Variants in MYO7B observed in about 807,000 individuals in gnomAD.
The protein encoded by MYO7B is unconventional myosin-VIIb.
In MYO7B, 212 loss-of-function variants were observed where a neutral mutation model predicts 259.7. That is an observed-to-expected ratio of 0.82 (90% CI 0.73 to 0.91). The LOEUF is 0.91. Ranked by LOEUF, MYO7B falls within the 40% of genes least tolerant of loss-of-function variation. The pLI is 0.00. For missense variants in MYO7B, 2,732 were observed against 2,813.5 expected (o/e 0.97, Z 0.66); for synonymous variants, 1,197 against 1,166.4 (o/e 1.03, Z -0.54).
At position 127,637,184 on chromosome 2, in the gene MYO7B, G is replaced by A. The variant is rs577115892; in HGVS notation, c.6328-132G>A. 1,413 of 895,494 alleles carry A rather than the reference G, an allele frequency of 1.6e-3. 2 individuals carry two copies. The highest frequency in any genetic ancestry group is 2.1e-3 in the Non-Finnish European group (1,156 of 551,224). The allele number at this position is 895,494 out of a possible 1,614,324, so 55.5% of individuals were successfully genotyped here. ...GGCAAGCAGAAATGACGGCCCCAAT[G>A]GCAGGAGCCCGCCTTCCCTTTCTCC... On this transcript the variant is annotated intron_variant, in intron 47 of 47. Coordinates refer to ENST00000409816, the MANE Select transcript of MYO7B (RefSeq NM_001393586.1).
At chr2:127,635,548 G>C in intron 43 of MYO7B, 174 bp from the exon 44 acceptor site, 1 of 741,256 alleles carries the variant, frequency 1.3e-6, no homozygotes, top group African/African-American at 1.8e-5. Context: ...CAGATGTCAG[G>C]GGGCCCTGCC....
intron 1 of MYO7B, among the ~76,000 whole-genome samples, chr2:127,556,985 C>G (rs1573616601): frequency 6.6e-6 from 1 of 152,142 alleles, no homozygotes. Context: ...GTGTTCCAAA[C>G]TTTTAGATTT....
chr2:127,565,516 T>C (rs1378179034), intron 4 of MYO7B, 131 bp downstream of exon 4: 1 of 1,254,948 alleles, frequency 8.0e-7, no homozygotes, highest in East Asian at 2.5e-5. Flanking sequence ...GCGAGGTGCC[T>C]AACTTTTCCC....
chr2:127,632,052 C>A (rs778278690), intron 38 of MYO7B, among the ~76,000 whole-genome samples, 194 bp from the exon 39 acceptor site: 45 of 152,378 alleles, frequency 3.0e-4, no homozygotes, highest in Admixed American at 8.5e-4. Flanking sequence ...CCCACCCGCC[C>A]CCATCTTGAG....
intron 17 of MYO7B, 66 bp from the exon 18 acceptor site, chr2:127,593,480 C>T: frequency 1.4e-6 from 2 of 1,476,534 alleles, no homozygotes; most frequent in South Asian, 1.2e-5. Flanking sequence ...GGAGACACCA[C>T]CCCCAGAGAG....
chr2:127,573,863 T>C (rs1678747325), intron 6 of MYO7B, 57 bp from the exon 7 acceptor site: 1 of 1,604,260 alleles, frequency 6.2e-7, no homozygotes, highest in African/African-American at 1.3e-5. Context: ...ATGATCCCAC[T>C]CAAATTACAT....
At position 127,636,075 on chromosome 2, in the gene MYO7B, G is replaced by A. The variant is rs1016842538; in HGVS notation, c.6007-133G>A. ...GCCTTCCTATGCCATCCACAGCACCGAGACTGTCCCATGCTGCATTCCTCC... is the reference window on the plus strand; with the variant it reads ...GCCTTCCTATGCCATCCACAGCACCAAGACTGTCCCATGCTGCATTCCTCC... On this transcript the variant is annotated intron_variant, in intron 44 of 47. Transcript: ENST00000409816. The surrounding 1 kb of genome is among the most constrained non-coding windows in gnomAD (Gnocchi z 4.5). 116 of 1,059,460 alleles carry A rather than the reference G, an allele frequency of 1.1e-4. No homozygotes were observed. Among genetic ancestry groups the A allele is most frequent in the Admixed American group, 4.7e-4 (19 of 40,498 alleles). The allele number at this position is 1,059,460 out of a possible 1,614,324, so 65.6% of individuals were successfully genotyped here.
At position 127,636,743 on chromosome 2, in the gene MYO7B, CAG is replaced by C; in HGVS notation, c.6208-48_6208-47del. ...CCTCTCTCCTGTCCCCTAACACACA[CAG>C]AGCCCGTGCTCTGGAGGCGTCCGGC... On this transcript the variant is annotated intron_variant, in intron 46 of 47. Coordinates refer to ENST00000409816, the MANE Select transcript of MYO7B (RefSeq NM_001393586.1). The surrounding 1 kb of genome is among the most constrained non-coding windows in gnomAD (Gnocchi z 4.5). The C allele has an allele frequency of 8.1e-6, 13 of 1,612,190 alleles. No homozygotes were observed. The highest frequency in any genetic ancestry group is 9.3e-6 in the Non-Finnish European group (11 of 1,179,144).
At chr2:127,596,677 T>C (rs1330170820) in intron 19 of MYO7B, 121 bp downstream of exon 19, 2 of 764,826 alleles carry the variant, frequency 2.6e-6, no homozygotes, top group Non-Finnish European at 4.5e-6. Context: ...GTTACTGAGA[T>C]CTTCCAATGC....
Position 127,624,117 on chromosome 2 carries a change from G to A in MYO7B, c.3844G>A (p.Asp1282Asn), listed in dbSNP as rs759240516. The stretch of plus-strand genomic sequence containing the variant: ...GTTCTGGTCCCTGGGCAGCGGGCGC[G>A]ACCACATGATGGATGCCATCGCCCG... ...DKFWSLGSGR[D>N]HMMDAIARCE... The change falls in exon 30 of 48, where the codon GAC (aspartate) becomes AAC (asparagine). Residue 1282 changes from aspartate to asparagine, a missense_variant. Around this residue, in one of 3 missense-constraint regions of MYO7B, gnomAD observed 1,906 missense variants for 2,026.4 expected, o/e 0.94. Transcript: ENST00000409816. 1.5e-5 allele frequency: 24 copies of A among 1,580,754 alleles called. No individual in the cohort carries two copies. Among genetic ancestry groups the A allele is most frequent in the East Asian group, 1.4e-4 (6 of 42,876 alleles).
chr2:127,636,389 G>A lies in MYO7B; in HGVS notation c.6123+65G>A, dbSNP rs1043443184. 2.6e-6 allele frequency: 4 copies of A among 1,514,360 alleles called. No homozygotes were observed. In the Admixed American group the frequency reaches 6.9e-5, roughly 26 times the overall value. The allele number at this position is 1,514,360 out of a possible 1,614,324, so 93.8% of individuals were successfully genotyped here. On this transcript the variant is annotated intron_variant, in intron 45 of 47. Transcript: ENST00000409816. The surrounding 1 kb of genome is among the most constrained non-coding windows in gnomAD (Gnocchi z 4.5). ...GCTCCGCTCAGCCCAGCCCCAGCAG[G>A]CCCAGCGTCAACCAGCACACATCTT...
At chr2:127,553,106 C>G (rs78918162) in intron 1 of MYO7B, among the ~76,000 whole-genome samples, 7 of 152,216 alleles carry the variant, frequency 4.6e-5, no homozygotes, top group African/African-American at 1.7e-4. Context: ...AAGTCACATC[C>G]TCTCCAAGGG....
At chr2:127,575,322 T>C (rs561276106) in intron 7 of MYO7B, among the ~76,000 whole-genome samples, 1 of 152,114 alleles carries the variant, frequency 6.6e-6, no homozygotes, top group African/African-American at 2.4e-5. Context: ...TGGAAGCTCC[T>C]ATTTCTTGAT....
At chr2:127,561,787 T>A (rs1283488711) in intron 2 of MYO7B, among the ~76,000 whole-genome samples, 1 of 152,214 alleles carries the variant, frequency 6.6e-6, no homozygotes, top group Non-Finnish European at 1.5e-5. Flanking sequence ...CTGACTTCAC[T>A]GGGGCTTGGA....
chr2:127,634,233 AGGCTGCAGCTGGCCTCCTGGGAG>A lies in MYO7B; in HGVS notation c.5579_5601del (p.Leu1860ProfsTer20). ...GGATGTGTGTGACAGCATTGCCACCAGGCTGCAGCTGGCCTCCTGGGAGGGCTGCAGCCTCTTCATCAAGATTT... is the reference window on the plus strand; with the variant it reads ...GGATGTGTGTGACAGCATTGCCACCAGGCTGCAGCCTCTTCATCAAGATTT... On this transcript the variant is annotated frameshift_variant, in exon 41 of 48. Transcript: ENST00000409816. LOFTEE classifies it high-confidence loss of function. 3 of 1,597,540 alleles carry A rather than the reference AGGCTGCAGCTGGCCTCCTGGGAG, an allele frequency of 1.9e-6. No homozygotes were observed. The highest frequency in any genetic ancestry group is 2.6e-6 in the Non-Finnish European group (3 of 1,175,430).
At chr2:127,634,823 G>C in intron 42 of MYO7B, 140 bp downstream of exon 42, 1 of 823,736 alleles carries the variant, frequency 1.2e-6, no homozygotes, top group Admixed American at 2.3e-5. Context: ...ACCAGGCCCT[G>C]GGGCCCGGCG....
chr2:127,588,158 A>G (rs1679373635), intron 14 of MYO7B, among the ~76,000 whole-genome samples: 2 of 151,304 alleles, frequency 1.3e-5, no homozygotes, highest in African/African-American at 4.9e-5. Context: ...GGGGGTTTGG[A>G]GTGGGAATGG....
rs1374008295 is a variant in MYO7B at position 127,622,066 on chromosome 2, G to T, written c.3610G>T (p.Val1204Leu). The T allele has an allele frequency of 1.9e-6, 3 of 1,551,584 alleles. No individual in the cohort carries two copies. The Admixed American group carries it at 5.9e-5, about 30-fold the overall frequency. Residue 1204 changes from valine (V) to leucine (L), a missense_variant, in exon 28 of 48, where the codon GTG becomes TTG. Val to Leu is a conservative substitution (Grantham distance 32). Around this residue, in one of 3 missense-constraint regions of MYO7B, gnomAD observed 1,906 missense variants for 2,026.4 expected, o/e 0.94. Coordinates refer to ENST00000409816, the MANE Select transcript of MYO7B (RefSeq NM_001393586.1). ...CCTGAGACGCACCTATGCCAATGGGGTGCGTGCGGAGCCCCCCACCTGGCT... is the reference window on the plus strand; with the variant it reads ...CCTGAGACGCACCTATGCCAATGGGTTGCGTGCGGAGCCCCCCACCTGGCT... ...ERLRRTYANGVRAEPPTWLEL... is the reference protein window; with the variant it reads ...ERLRRTYANGLRAEPPTWLEL...
Position 127,559,851 on chromosome 2 carries a change from C to G in MYO7B, c.18+111C>G. 7.8e-7 allele frequency: 1 copy of G among 1,274,074 alleles called. No individual in the cohort carries two copies. Among genetic ancestry groups the G allele is most frequent in the Non-Finnish European group, 1.1e-6 (1 of 872,598 alleles). 78.9% of individuals were successfully genotyped at this position (1,274,074 alleles called of 1,614,324 possible). On this transcript the variant is annotated intron_variant, in intron 2 of 47. Transcript: ENST00000409816. This position sits in a 1 kb window ranked among gnomAD's most constrained non-coding sequence, Gnocchi z 4.1. Reference sequence around the variant, plus strand: ...GGCAATGAGACCCTATAGGAAAATACCAGAGACAGGGGAGTTTAGGAAACA... The same window carrying G: ...GGCAATGAGACCCTATAGGAAAATAGCAGAGACAGGGGAGTTTAGGAAACA...
Sources: gnomAD v4.1 joint callset for allele counts (sites outside exome capture counted in the v4.1 genomes callset) on GRCh38, gnomAD v4.1.1 for gene constraint, gnomAD v4.1.1 regional missense constraint, Gnocchi (gnomAD v3.1) non-coding constraint, MANE v1.5 for transcripts, NCBI Gene and HGNC (gene_info 2026-07-23, HGNC 2026-07-21) for gene names.